DDX19A: variants seen among roughly 807,000 people sequenced by gnomAD.
The protein encoded by DDX19A is DEAD-box helicase 19A.
Under a neutral mutation model 60.6 loss-of-function variants are expected in DDX19A, and 12 were observed. The observed-to-expected ratio is 0.20, with a 90% CI of 0.13 to 0.32. DDX19A has a LOEUF of 0.32. Among genes scored for constraint, DDX19A ranks in the 10% least tolerant of loss-of-function variants. DDX19A has a pLI of 1.00. For synonymous variants in DDX19A, 206 were observed against 218.2 expected, an observed-to-expected ratio of 0.94 and a Z score of 0.49; for missense variants, 337 against 600.6, an observed-to-expected ratio of 0.56 and a Z score of 4.59.
intron 4 of DDX19A, among the ~76,000 whole-genome samples, chr16:70,357,499 C>G (rs1312522756): frequency 1.4e-5 from 2 of 147,652 alleles, no homozygotes; most frequent in Admixed American, 6.9e-5. Context: ...ATTCTCCTGC[C>G]TTAGCCTCCC....
intron 2 of DDX19A, among the ~76,000 whole-genome samples, chr16:70,354,608 CAT>C (rs1303756266): frequency 6.6e-6 from 1 of 152,124 alleles, no homozygotes; most frequent in Non-Finnish European, 1.5e-5. Context: ...TAAGAGGTAA[CAT>C]ATTCTGATCT....
At chr16:70,347,811 C>G in intron 1 of DDX19A, 1 of 232,604 alleles carries the variant, frequency 4.3e-6, no homozygotes, top group East Asian at 1.7e-4. Context: ...CTGCCTCAGT[C>G]TCCCGAGTAG....
At chr16:70,367,492 A>G (rs8059245) in intron 9 of DDX19A, among the ~76,000 whole-genome samples, 129,592 of 152,152 alleles carry the variant, frequency 0.85, 55,629 homozygotes, top group African/African-American at 0.96. Flanking sequence ...GTCTCAAACA[A>G]CAAATACTTA....
intron 1 of DDX19A, among the ~76,000 whole-genome samples, chr16:70,348,626 C>CAAAA (rs1244983371): frequency 1.9e-3 from 66 of 34,480 alleles, no homozygotes; most frequent in African/African-American, 3.1e-3. Flanking sequence ...GACTCTGTCT[C>CAAAA]AAAAAAAAAA....
At chr16:70,368,600 G>C (rs1175251927) in intron 9 of DDX19A, among the ~76,000 whole-genome samples, 1 of 144,586 alleles carries the variant, frequency 6.9e-6, no homozygotes, top group South Asian at 2.2e-4. Flanking sequence ...TTTTTTTTTA[G>C]ACGGTCTCAC....
At chr16:70,359,507 T>G (rs1964309566) in intron 4 of DDX19A, among the ~76,000 whole-genome samples, 1 of 152,144 alleles carries the variant, frequency 6.6e-6, no homozygotes, top group Non-Finnish European at 1.5e-5. Flanking sequence ...GAGAGCTGAT[T>G]GTAAATGCAA....
At chr16:70,370,411 G>C (rs777041008) in intron 10 of DDX19A, 26 bp downstream of exon 10, 3 of 1,601,042 alleles carry the variant, frequency 1.9e-6, no homozygotes, top group Non-Finnish European at 2.6e-6. Context: ...GTCCCACCTG[G>C]TCTGCCAGGC....
At chr16:70,360,981 A>C (rs1964347103) in intron 4 of DDX19A, 1 of 176,232 alleles carries the variant, frequency 5.7e-6, no homozygotes, top group Admixed American at 6.4e-5. Flanking sequence ...GGCCTCAAGC[A>C]GTTGGCCTGC....
chr16:70,365,845 G>A, intron 7 of DDX19A: 1 of 590,176 alleles, frequency 1.7e-6, no homozygotes, highest in South Asian at 2.0e-5. Context: ...GAAGAAGAAG[G>A]GAACTGATGC....
At position 70,371,055 on chromosome 16, in the gene DDX19A, G is replaced by T. The variant is rs1964670024; in HGVS notation, c.1184-317G>T. The stretch of plus-strand genomic sequence containing the variant: ...CGCAGAAACCAGTAGTCCTGACTTG[G>T]TGGAAGGAAATGTACAGGCATCTGA... On this transcript the variant is annotated intron_variant, in intron 10 of 11. Transcript: ENST00000302243. The T allele has an allele frequency of 1.2e-5, 6 of 485,394 alleles. No homozygotes were observed. In the South Asian group the frequency reaches 1.5e-4, roughly 12 times the overall value. The allele number at this position is 485,394 out of a possible 1,614,324, so 30.1% of individuals were successfully genotyped here. A position where few individuals can be genotyped will look rare whatever the true frequency, so the allele number is the denominator to read the frequency against.
At position 70,371,437 on chromosome 16, in the gene DDX19A, C is replaced by A; in HGVS notation, c.1249C>A (p.Pro417Thr). ...TCTTCCCGTGGACAAGGACGGGAAT[C>A]CTGACAATGAGACCTACCTGCACCG... ...FDLPVDKDGN[P>T]DNETYLHRIG... Residue 417 changes from proline to threonine, a missense_variant, in exon 11 of 12, where the codon CCT becomes ACT. Physicochemically the swap from Pro to Thr is conservative, Grantham distance 38 (BLOSUM62 -1). Transcript: ENST00000302243. The A allele has an allele frequency of 6.2e-7, 1 of 1,613,140 alleles. No individual in the cohort carries two copies. Among genetic ancestry groups the A allele is most frequent in the Non-Finnish European group, 8.5e-7 (1 of 1,179,660 alleles).
At chr16:70,353,900 C>CAAAAA (rs564352365) in intron 2 of DDX19A, among the ~76,000 whole-genome samples, 3 of 71,696 alleles carry the variant, frequency 4.2e-5, no homozygotes, top group African/African-American at 8.3e-5. Context: ...GACTCTGTCT[C>CAAAAA]AAAAAAAAAA....
At chr16:70,352,170 A>G (rs1964035069) in intron 2 of DDX19A, among the ~76,000 whole-genome samples, 1 of 150,908 alleles carries the variant, frequency 6.6e-6, no homozygotes, top group Non-Finnish European at 1.5e-5. Context: ...GTAGATTCTC[A>G]TATTCTCTCT....
At chr16:70,349,122 A>G (rs1963937236) in intron 1 of DDX19A, among the ~76,000 whole-genome samples, 1 of 152,200 alleles carries the variant, frequency 6.6e-6, no homozygotes, top group South Asian at 2.1e-4. Flanking sequence ...TATTATAGTG[A>G]AAAGATACAA....
chr16:70,365,956 A>G, intron 7 of DDX19A, 129 bp from the exon 8 acceptor site: 1 of 1,392,104 alleles, frequency 7.2e-7, no homozygotes, highest in Non-Finnish European at 1.0e-6. Flanking sequence ...GACTGAGGGG[A>G]ACACTCATGT....
Position 70,366,707 on chromosome 16 carries a change from C to T in DDX19A, c.866C>T (p.Pro289Leu). 1 of 1,614,212 alleles carries T rather than the reference C, an allele frequency of 6.2e-7. No individual in the cohort carries two copies. The highest frequency in any genetic ancestry group is 8.5e-7 in the Non-Finnish European group (1 of 1,180,052). ...SVWKFAQKVV[P>L]DPNVIKLKRE... ...TGGAAGTTTGCCCAGAAAGTGGTCC[C>T]AGACCCAAATGTTATCAAACTGAAG... The change falls in exon 9 of 12, where the codon CCA (proline) becomes CTA (leucine). Residue 289 changes from proline (P) to leucine (L), a missense_variant. By Grantham distance (98) the Pro-to-Leu change is moderately conservative (BLOSUM62 -3). Around this residue, in one of 6 missense-constraint regions of DDX19A, gnomAD observed 117 missense variants for 274.3 expected, o/e 0.43. Transcript: ENST00000302243.
At chr16:70,371,817 G>C in intron 11 of DDX19A, 108 bp from the exon 12 acceptor site, 1 of 1,526,770 alleles carries the variant, frequency 6.5e-7, no homozygotes, top group Non-Finnish European at 9.0e-7. Context: ...GGGCCCTGCT[G>C]CCCCCTGCTT....
intron 5 of DDX19A, 162 bp downstream of exon 5, chr16:70,361,672 G>C: frequency 1.7e-6 from 1 of 576,872 alleles, no homozygotes; most frequent in Non-Finnish European, 3.1e-6. Flanking sequence ...GTTAGCTACA[G>C]TTTCTGCCTT....
chr16:70,350,621 C>T lies in DDX19A; in HGVS notation c.106+16C>T. 6.2e-7 allele frequency: 1 copy of T among 1,602,638 alleles called. No homozygotes were observed. The highest frequency in any genetic ancestry group is 8.5e-7 in the Non-Finnish European group (1 of 1,172,380). ...GATACCAATGGTGAGTCACTAGTAA[C>T]TACAAGCTAGAAAAGAGTTCCATGT... On this transcript the variant is annotated intron_variant, in intron 2 of 11. Coordinates refer to ENST00000302243, the MANE Select transcript of DDX19A (RefSeq NM_018332.5).
Sources: gnomAD v4.1 joint callset for allele counts (sites outside exome capture counted in the v4.1 genomes callset) on GRCh38, gnomAD v4.1.1 for gene constraint, gnomAD v4.1.1 regional missense constraint, MANE v1.5 for transcripts, NCBI Gene and HGNC (gene_info 2026-07-23, HGNC 2026-07-21) for gene names.